Variants in NOX4 observed in about 807,000 individuals in gnomAD.
NOX4 encodes kidney oxidase-1.
NOX4 carries 69 observed loss-of-function variants against 87.6 expected under a neutral mutation model. That is an observed-to-expected ratio of 0.79 (90% CI 0.65 to 0.96). The LOEUF (loss-of-function observed/expected upper bound fraction) is 0.96, where lower values mean the gene tolerates loss of function less well. Ranked by LOEUF, NOX4 falls within the 40% of genes least tolerant of loss-of-function variation. The pLI, the probability that NOX4 is intolerant of heterozygous loss-of-function variation, is 0.00. For missense variants in NOX4, 680 were observed against 681.5 expected (o/e 1.00, Z 0.02); for synonymous variants, 275 against 238.2 (o/e 1.15, Z -1.42).
chr11:89,495,857 C>G (rs1484799167), upstream of NOX4, among the ~76,000 whole-genome samples: 1 of 152,078 alleles, frequency 6.6e-6, no homozygotes, highest in African/African-American at 2.4e-5. Flanking sequence ...TATTTCATGT[C>G]TAATTACCAG....
chr11:89,441,798 T>A (rs1944466896), intron 5 of NOX4, among the ~76,000 whole-genome samples: 1 of 151,868 alleles, frequency 6.6e-6, no homozygotes, highest in Non-Finnish European at 1.5e-5. Flanking sequence ...ATGAGGCAGA[T>A]TTAGCCGGGC....
At chr11:89,552,298 TA>T in the NOX4 span, among the ~76,000 whole-genome samples, 1 of 152,212 alleles carries the variant, frequency 6.6e-6, no homozygotes, top group African/African-American at 2.4e-5. Flanking sequence ...TCAGTTCTCA[TA>T]GACACCGAAA....
the NOX4 span, among the ~76,000 whole-genome samples, chr11:89,567,178 C>T: frequency 1.0e-3 from 155 of 152,262 alleles, no homozygotes; most frequent in African/African-American, 3.6e-3. Context: ...GGCACCTCCC[C>T]GGCCACACCC....
the NOX4 span, among the ~76,000 whole-genome samples, chr11:89,505,389 T>A: frequency 6.6e-6 from 1 of 151,866 alleles, no homozygotes; most frequent in African/African-American, 2.4e-5. Flanking sequence ...GTATAAATAA[T>A]AACATTAATC....
chr11:89,328,044 CAG>C (rs2135356522), intron 17 of NOX4, among the ~76,000 whole-genome samples: 1 of 152,072 alleles, frequency 6.6e-6, no homozygotes, highest in Non-Finnish European at 1.5e-5. Context: ...CTGCAGCAGA[CAG>C]GGGAAACTCC....
the NOX4 span, among the ~76,000 whole-genome samples, chr11:89,586,285 G>C: frequency 2.0e-5 from 3 of 152,058 alleles, no homozygotes; most frequent in South Asian, 6.2e-4. Flanking sequence ...TATAATAGTA[G>C]CAGTCAGAAT....
chr11:89,363,594 G>A (rs893363369), intron 12 of NOX4, among the ~76,000 whole-genome samples: 1 of 152,084 alleles, frequency 6.6e-6, no homozygotes, highest in Non-Finnish European at 1.5e-5. Flanking sequence ...ATTATTTCTA[G>A]GGATTTAAAG....
the NOX4 span, among the ~76,000 whole-genome samples, chr11:89,535,227 T>C: frequency 2.0e-5 from 3 of 152,382 alleles, no homozygotes; most frequent in Admixed American, 6.5e-5. Context: ...TCACTTTTTA[T>C]GAATATGTGT....
At chr11:89,529,973 A>G in the NOX4 span, among the ~76,000 whole-genome samples, 1 of 152,122 alleles carries the variant, frequency 6.6e-6, no homozygotes, top group East Asian at 1.9e-4. Flanking sequence ...AAAACACAAG[A>G]AAAGAACTGT....
the NOX4 span, among the ~76,000 whole-genome samples, chr11:89,561,050 C>CATATATATATATATATATAT: frequency 2.6e-3 from 75 of 28,524 alleles, 3 homozygotes; most frequent in Non-Finnish European, 3.1e-3. Context: ...ATATATCATA[C>CATATATATATATATATATAT]ATATATATAT....
At chr11:89,474,517 A>C (rs1591345067) in intron 2 of NOX4, among the ~76,000 whole-genome samples, 1 of 151,914 alleles carries the variant, frequency 6.6e-6, no homozygotes, top group Admixed American at 6.6e-5. Flanking sequence ...ATGCAAAATA[A>C]ATTATGGTGT....
chr11:89,466,915 T>C (rs960078041), intron 2 of NOX4, among the ~76,000 whole-genome samples: 2 of 152,178 alleles, frequency 1.3e-5, no homozygotes, highest in African/African-American at 2.4e-5. Context: ...AGAAATGATG[T>C]GTAGCAAATG....
Position 89,325,344 on chromosome 11 carries a change from G to A in NOX4, c.*1412C>T, listed in dbSNP as rs968792328. The A allele has an allele frequency of 1.3e-5, 2 of 151,970 alleles. No individual in the cohort carries two copies. Among genetic ancestry groups the A allele is most frequent in the African/African-American group, 4.8e-5 (2 of 41,346 alleles). The allele number at this position is 151,970 out of a possible 1,614,324, so 9.4% of individuals were successfully genotyped here. On this transcript the variant is annotated 3_prime_UTR_variant, in exon 18 of 18. Transcript: ENST00000263317. Reference sequence around the variant, plus strand: ...TCACCAACTTGGTCAGGCTGGTCTTGAACTCTGACCTCGTGATCCACCTGC... The same window carrying A: ...TCACCAACTTGGTCAGGCTGGTCTTAAACTCTGACCTCGTGATCCACCTGC...
chr11:89,400,026 G>T lies in NOX4; in HGVS notation c.1065C>A (p.Thr355=). Residue 355 remains threonine, a synonymous_variant, in exon 11 of 18, where the codon ACC becomes ACA. Transcript: ENST00000263317. ...SVSALENHPF[T]LTMCPTETKA... ...GAGATATGTTTCTTACCATTGTGAG[G>T]GTAAATGGATGATTTTCTAATGCAG... is the stretch of plus-strand genomic sequence containing the variant. 6.2e-7 allele frequency: 1 copy of T among 1,606,990 alleles called. No homozygotes were observed. The highest frequency in any genetic ancestry group is 8.5e-7 in the Non-Finnish European group (1 of 1,174,790).
intron 11 of NOX4, among the ~76,000 whole-genome samples, chr11:89,391,909 C>T (rs1281952859): frequency 6.6e-6 from 1 of 151,408 alleles, no homozygotes; most frequent in Non-Finnish European, 1.5e-5. Context: ...TTCTCTCCTT[C>T]CTTTTTCCTT....
chr11:89,433,267 T>C (rs1943907682), intron 6 of NOX4, among the ~76,000 whole-genome samples: 1 of 152,066 alleles, frequency 6.6e-6, no homozygotes, highest in Non-Finnish European at 1.5e-5. Context: ...ACACCAGAAC[T>C]TATTAAAATC....
intron 13 of NOX4, among the ~76,000 whole-genome samples, chr11:89,350,775 G>A (rs1946422977): frequency 6.6e-6 from 1 of 152,064 alleles, no homozygotes; most frequent in African/African-American, 2.4e-5. Context: ...TTGACTTTCA[G>A]TTATCTGCAA....
At chr11:89,363,973 A>C (rs1938732282) in intron 12 of NOX4, among the ~76,000 whole-genome samples, 1 of 152,082 alleles carries the variant, frequency 6.6e-6, no homozygotes, top group Admixed American at 6.6e-5. Flanking sequence ...CTTATTAAAG[A>C]TATAGGCAGG....
chr11:89,371,628 T>C (rs1308417757), intron 12 of NOX4, among the ~76,000 whole-genome samples: 2 of 151,880 alleles, frequency 1.3e-5, no homozygotes, highest in African/African-American at 4.8e-5. Flanking sequence ...TCCTACTATA[T>C]TGGGATTCTC....
Sources: allele counts gnomAD v4.1 joint callset (sites outside exome capture counted in the v4.1 genomes callset), GRCh38; gene constraint gnomAD v4.1.1; transcripts MANE v1.5; gene names NCBI Gene and HGNC (gene_info 2026-07-23, HGNC 2026-07-21).